The following CHLSN variants were observed in gnomAD, a reference collection of about 807,000 sequenced individuals.
The protein encoded by CHLSN is protein cholesin.
chr7:1,021,232 A>G, the CHLSN span: 7 of 285,756 alleles, frequency 2.4e-5, no homozygotes, highest in Non-Finnish European at 3.7e-5. Flanking sequence ...ACGGACCCCC[A>G]GGTTGGGAAC....
At chr7:1,036,103 G>T in the CHLSN span, among the ~76,000 whole-genome samples, 1 of 152,330 alleles carries the variant, frequency 6.6e-6, no homozygotes, top group East Asian at 1.9e-4. Flanking sequence ...GGTCAGTGGT[G>T]GTGGGGAGGG....
the CHLSN span, among the ~76,000 whole-genome samples, chr7:998,441 T>G: frequency 2.0e-5 from 3 of 149,602 alleles, no homozygotes; most frequent in Non-Finnish European, 4.4e-5. Flanking sequence ...CTGTATGCAG[T>G]GCAAAGTCTT....
the CHLSN span, among the ~76,000 whole-genome samples, chr7:1,053,094 T>C: frequency 6.6e-6 from 1 of 152,170 alleles, no homozygotes; most frequent in Admixed American, 6.5e-5. Flanking sequence ...CAGGCCATTG[T>C]TCTCCAGTTC....
chr7:1,093,702 C>A, the CHLSN span: 74 of 468,456 alleles, frequency 1.6e-4, no homozygotes, highest in African/African-American at 1.3e-3. Flanking sequence ...ACAGAAATAA[C>A]AGCTGGGGAC....
At chr7:1,111,915 G>A in the CHLSN span, among the ~76,000 whole-genome samples, 11 of 152,174 alleles carry the variant, frequency 7.2e-5, no homozygotes, top group African/African-American at 2.7e-4. Context: ...ACACGCGGCT[G>A]CTACAGACGT....
the CHLSN span, chr7:988,632 C>A: frequency 6.9e-6 from 11 of 1,602,964 alleles, no homozygotes; most frequent in South Asian, 1.2e-4. Context: ...ACATCCCCCG[C>A]AGGCCGCCGC....
At chr7:996,811 G>A in the CHLSN span, among the ~76,000 whole-genome samples, 5 of 152,218 alleles carry the variant, frequency 3.3e-5, no homozygotes, top group African/African-American at 7.2e-5. Context: ...CACTGCCAGC[G>A]CTGGGAAACG....
chr7:1,093,595 A>G, the CHLSN span: 2 of 471,064 alleles, frequency 4.2e-6, no homozygotes, highest in South Asian at 3.1e-5. Flanking sequence ...TGGCAATTGC[A>G]CTCATGTGGA....
chr7:1,091,543 C>A, the CHLSN span: 1 of 590,118 alleles, frequency 1.7e-6, no homozygotes, highest in African/African-American at 1.9e-5. Flanking sequence ...TCTGTTCTTC[C>A]CACTCTCTGC....
At chr7:1,069,961 T>C in the CHLSN span, among the ~76,000 whole-genome samples, 42 of 96,966 alleles carry the variant, frequency 4.3e-4, no homozygotes, top group Admixed American at 7.0e-4. Context: ...TCTGCCCGGC[T>C]GCCCATCGTC....
At chr7:992,372 C>CAAGCTCGGAGGGTGAGGCCCCCCCACAGT in the CHLSN span, among the ~76,000 whole-genome samples, 1 of 152,362 alleles carries the variant, frequency 6.6e-6, no homozygotes, top group Admixed American at 6.5e-5. Flanking sequence ...CCTCCCGCAG[C>CAAGCTCGGAGGGTGAGGCCCCCCCACAGT]AAGCTCGGAG....
chr7:1,069,499 G>A, the CHLSN span, among the ~76,000 whole-genome samples: 4 of 143,298 alleles, frequency 2.8e-5, no homozygotes. Context: ...GCCTGCGATT[G>A]CAGGCACGCG....
chr7:1,087,737 T>TGGATCATGCACATGCTACTA, the CHLSN span, among the ~76,000 whole-genome samples: 2 of 152,274 alleles, frequency 1.3e-5, no homozygotes, highest in Non-Finnish European at 2.9e-5. Context: ...AAATTCTTTA[T>TGGATCATGCACATGCTACTA]GGATCATGCA....
the CHLSN span, among the ~76,000 whole-genome samples, chr7:1,050,080 C>T: frequency 9.9e-5 from 15 of 152,238 alleles, no homozygotes; most frequent in African/African-American, 3.4e-4. Flanking sequence ...CACTCTGAAC[C>T]GCAAGCACAG....
At chr7:1,072,143 C>G in the CHLSN span, among the ~76,000 whole-genome samples, 4 of 152,220 alleles carry the variant, frequency 2.6e-5, no homozygotes, top group Non-Finnish European at 4.4e-5. Context: ...TACCCAGACC[C>G]TCCCATGCAC....
chr7:1,070,894 G>GCACGCA, the CHLSN span, among the ~76,000 whole-genome samples: 1 of 145,042 alleles, frequency 6.9e-6, no homozygotes, highest in Admixed American at 6.9e-5. Flanking sequence ...GCACACACGT[G>GCACGCA]CACACACATG....
At chr7:1,048,557 T>C in the CHLSN span, among the ~76,000 whole-genome samples, 2 of 152,120 alleles carry the variant, frequency 1.3e-5, no homozygotes, top group Non-Finnish European at 2.9e-5. Context: ...GGGCAGTCCA[T>C]TTCTATTGGG....
chr7:1,136,642 G>A, the CHLSN span, among the ~76,000 whole-genome samples: 2 of 142,714 alleles, frequency 1.4e-5, no homozygotes, highest in African/African-American at 2.6e-5. Flanking sequence ...ATATATATGC[G>A]GATGTGTGTA....
chr7:1,001,708 G>A, the CHLSN span, among the ~76,000 whole-genome samples: 1 of 119,336 alleles, frequency 8.4e-6, no homozygotes, highest in African/African-American at 3.4e-5. Flanking sequence ...CGGGTGGGGA[G>A]TCCTGTGGGT....
Sources: allele counts gnomAD v4.1 joint callset (sites outside exome capture counted in the v4.1 genomes callset), GRCh38; gene constraint gnomAD v4.1.1; transcripts MANE v1.5; gene names NCBI Gene and HGNC (gene_info 2026-07-23, HGNC 2026-07-21).